Variants in GAB2 observed in about 807,000 individuals in gnomAD.
GAB2 encodes GRB2-associated-binding protein 2.
In GAB2, 26 loss-of-function variants were observed where a neutral mutation model predicts 65.5. That is an observed-to-expected ratio of 0.40 (90% confidence interval 0.29 to 0.55). The LOEUF is 0.55. GAB2 is among the 20% of genes least tolerant of loss of function. The probability of loss-of-function intolerance (pLI) is 0.53; values close to 1 mark genes in which losing one functional copy is unlikely to be tolerated. For synonymous variants in GAB2, 321 were observed against 329.6 expected (o/e 0.97, Z 0.28); for missense variants, 884 against 875.8 (o/e 1.01, Z -0.12).
chr11:78,335,556 T>C (rs767795674), intron 1 of GAB2, among the ~76,000 whole-genome samples: 3 of 152,330 alleles, frequency 2.0e-5, no homozygotes, highest in South Asian at 2.1e-4. Flanking sequence ...ACTGTAGGTA[T>C]GTGAATTTGT....
At position 78,363,616 on chromosome 11, in the gene GAB2, A is replaced by G. The variant is rs931985172; in HGVS notation, c.75+54030T>C. Among the ~76,000 whole-genome samples, 14 of 147,870 alleles carry G rather than the reference A, an allele frequency of 9.5e-5. No homozygotes were observed. In the Admixed American group the frequency reaches 9.5e-4, roughly 10 times the overall value. On this transcript the variant is annotated intron_variant, in intron 1 of 9. Transcript: ENST00000361507. ...TTTTTTTTTTTTGAGACAGGGTCTCACTTTGTTGCCAAGGCTGAAGTGCAG... is the reference window on the plus strand; with the variant it reads ...TTTTTTTTTTTTGAGACAGGGTCTCGCTTTGTTGCCAAGGCTGAAGTGCAG...
chr11:78,357,413 T>G (rs528915465), intron 1 of GAB2, among the ~76,000 whole-genome samples: 166 of 152,184 alleles, frequency 1.1e-3, no homozygotes, highest in African/African-American at 3.5e-3. Context: ...AATTGACAAA[T>G]GGGATCTAAC....
At chr11:78,345,435 G>C (rs1856165249) in intron 1 of GAB2, among the ~76,000 whole-genome samples, 1 of 152,200 alleles carries the variant, frequency 6.6e-6, no homozygotes. Context: ...GAAGACAAAA[G>C]TGGTAAAAGG....
chr11:78,312,310 C>A (rs11237450), intron 1 of GAB2, among the ~76,000 whole-genome samples: 24,506 of 151,852 alleles, frequency 0.16, 2,495 homozygotes, highest in East Asian at 0.39. Context: ...CCACCACCAC[C>A]ACAACAAAAA....
At chr11:78,282,570 A>G (rs765851827) in intron 1 of GAB2, among the ~76,000 whole-genome samples, 2 of 151,936 alleles carry the variant, frequency 1.3e-5, no homozygotes, top group East Asian at 1.9e-4. Context: ...CAGCCTCCCA[A>G]AGTGCTGGGA....
chr11:78,346,322 A>G (rs1856178226), intron 1 of GAB2, among the ~76,000 whole-genome samples: 1 of 152,158 alleles, frequency 6.6e-6, no homozygotes, highest in Non-Finnish European at 1.5e-5. Flanking sequence ...TTTTATGAGT[A>G]TCATCTCACA....
In GAB2 at chr11:78,280,726, A is replaced by G; in HGVS notation, c.251T>C (p.Phe84Ser). ...TFNKKELQDS[F>S]VFDIKTSERT... The stretch of plus-strand genomic sequence containing the variant: ...TTCACTGGTCTTGATGTCAAACACA[A>G]AACTATCCTGCAGCTCCTTCTTGTT... Residue 84 changes from phenylalanine (F) to serine (S), a missense_variant, in exon 2 of 10, where the codon TTT becomes TCT. By Grantham distance (155) the Phe-to-Ser change is radical. Transcript: ENST00000361507. The G allele has an allele frequency of 6.2e-7, 1 of 1,614,136 alleles. No individual in the cohort carries two copies. Among genetic ancestry groups the G allele is most frequent in the Non-Finnish European group, 8.5e-7 (1 of 1,180,002 alleles).
chr11:78,275,769 C>T (rs1866150598), intron 2 of GAB2, among the ~76,000 whole-genome samples: 2 of 151,924 alleles, frequency 1.3e-5, no homozygotes, highest in Admixed American at 1.3e-4. Context: ...TATATATACA[C>T]TAAAACACAC....
At chr11:78,369,395 A>G (rs1324925311) in intron 1 of GAB2, among the ~76,000 whole-genome samples, 1 of 152,194 alleles carries the variant, frequency 6.6e-6, no homozygotes, top group Non-Finnish European at 1.5e-5. Context: ...TCTAAAATGT[A>G]ATGGAATAGC....
rs1215016911 is a variant in GAB2 at position 78,250,270 on chromosome 11, C to T, written c.507G>A (p.Leu169=). 1 of 1,613,494 alleles carries T rather than the reference C, an allele frequency of 6.2e-7. No homozygotes were observed. The highest frequency in any genetic ancestry group is 1.7e-5 in the Admixed American group (1 of 59,890). The part of the protein sequence containing the change: ...SAPSHSSQPT[L]FTFEPPVSNH... ...TTGACACAGGGGGTTCAAACGTGAA[C>T]AGAGTTGGCTGGCTGGAGTGTGATG... Residue 169 remains leucine, a synonymous_variant, in exon 3 of 10, where the codon CTG becomes CTA. Coordinates refer to ENST00000361507, the MANE Select transcript of GAB2 (RefSeq NM_080491.3).
intron 2 of GAB2, among the ~76,000 whole-genome samples, chr11:78,277,861 G>T (rs147879456): frequency 6.6e-6 from 1 of 152,146 alleles, no homozygotes; most frequent in Non-Finnish European, 1.5e-5. Flanking sequence ...ACTTCCTTTT[G>T]TTCCTGCTCT....
intron 1 of GAB2, among the ~76,000 whole-genome samples, chr11:78,415,939 CTTTTTTT>C (rs1303081510): frequency 7.8e-6 from 1 of 129,030 alleles, no homozygotes; most frequent in Non-Finnish European, 1.7e-5. Context: ...TTAAGGGTCA[CTTTTTTT>C]TTTTTTTTTT....
intron 1 of GAB2, among the ~76,000 whole-genome samples, chr11:78,412,304 G>T (rs1194054930): frequency 2.0e-5 from 3 of 152,090 alleles, no homozygotes; most frequent in Non-Finnish European, 2.9e-5. Flanking sequence ...CAGACTGTGT[G>T]GTACATCCAT....
At chr11:78,402,049 T>G (rs866089826) in intron 1 of GAB2, among the ~76,000 whole-genome samples, 7 of 152,320 alleles carry the variant, frequency 4.6e-5, no homozygotes, top group Non-Finnish European at 8.8e-5. Context: ...CTCCAGTTTT[T>G]GAAGATCTTC....
intron 1 of GAB2, among the ~76,000 whole-genome samples, chr11:78,416,418 C>T (rs541129153): frequency 6.6e-6 from 1 of 152,228 alleles, no homozygotes; most frequent in Non-Finnish European, 1.5e-5. Flanking sequence ...TGATTCTGAT[C>T]TGGGGAGCCA....
intron 2 of GAB2, among the ~76,000 whole-genome samples, chr11:78,276,480 G>A (rs1866174149): frequency 6.6e-6 from 1 of 152,166 alleles, no homozygotes; most frequent in African/African-American, 2.4e-5. Context: ...GGCCTAAGCT[G>A]GTGGTGTATG....
chr11:78,341,914 A>G (rs1856103268), intron 1 of GAB2: 2 of 983,436 alleles, frequency 2.0e-6, no homozygotes, highest in Non-Finnish European at 2.4e-6. Context: ...GCTAAGTGCA[A>G]TGTTTAAAAA....
At chr11:78,235,353 C>A (rs905042989) in intron 3 of GAB2, among the ~76,000 whole-genome samples, 1 of 151,910 alleles carries the variant, frequency 6.6e-6, no homozygotes, top group African/African-American at 2.4e-5. Context: ...GGGGTTTCAC[C>A]GTGTTAGCCA....
chr11:78,411,195 G>A (rs1486076413), intron 1 of GAB2, among the ~76,000 whole-genome samples: 1 of 151,924 alleles, frequency 6.6e-6, no homozygotes, highest in East Asian at 1.9e-4. Flanking sequence ...GAAAATAAAC[G>A]AAGGAAGAAA....
Sources: allele counts gnomAD v4.1 joint callset (sites outside exome capture counted in the v4.1 genomes callset), GRCh38; gene constraint gnomAD v4.1.1; transcripts MANE v1.5; gene names NCBI Gene and HGNC (gene_info 2026-07-23, HGNC 2026-07-21).